The following SPRED2 variants were observed in gnomAD, a reference collection of about 807,000 sequenced individuals.
The protein encoded by SPRED2 is sprouty-related, EVH1 domain-containing protein 2.
Under a neutral mutation model 43.0 loss-of-function variants are expected in SPRED2, and 47 were observed. The observed-to-expected ratio is 1.09, with a 90% CI of 0.87 to 1.40. SPRED2 has a LOEUF of 1.40. Ranked by LOEUF, SPRED2 falls within the 40% of genes most tolerant of loss-of-function variation. The pLI is 0.00. For synonymous variants in SPRED2, 225 were observed against 225.7 expected, an observed-to-expected ratio of 1.00 and a Z score of 0.03; for missense variants, 561 against 586.4, an observed-to-expected ratio of 0.96 and a Z score of 0.45.
chr2:65,344,987 A>G, intron 1 of SPRED2, 91 bp from the exon 2 acceptor site: 1 of 1,298,212 alleles, frequency 7.7e-7, no homozygotes, highest in South Asian at 1.7e-5. Flanking sequence ...ACCAGCCAGC[A>G]CTTTTTTTGT....
chr2:65,384,757 CCATT>C (rs1429192721), intron 1 of SPRED2, among the ~76,000 whole-genome samples: 1 of 152,190 alleles, frequency 6.6e-6, no homozygotes, highest in Non-Finnish European at 1.5e-5. Context: ...TGTCAGGTCC[CCATT>C]CAGAGGCACT....
At chr2:65,428,439 G>A (rs1345685838) in intron 1 of SPRED2, among the ~76,000 whole-genome samples, 1 of 152,204 alleles carries the variant, frequency 6.6e-6, no homozygotes, top group Non-Finnish European at 1.5e-5. Flanking sequence ...AGACATTTTT[G>A]CAGACAATTC....
downstream of SPRED2, among the ~76,000 whole-genome samples, chr2:65,307,193 T>C (rs1056444511): frequency 6.6e-6 from 1 of 152,032 alleles, no homozygotes; most frequent in Non-Finnish European, 1.5e-5. Flanking sequence ...TTATATGACA[T>C]TTTATTTATT....
In SPRED2 at chr2:65,313,226, A is replaced by G; in HGVS notation, c.*275T>C. ...ACAGTTAGCTTGGTTACAGATTGTT[A>G]ATAGTACAGGAGTCTGTGGCGAAGG... On this transcript the variant is annotated 3_prime_UTR_variant, in exon 6 of 6. Transcript: ENST00000356388. 1 of 1,172,106 alleles carries G rather than the reference A, an allele frequency of 8.5e-7. No homozygotes were observed. The highest frequency in any genetic ancestry group is 1.1e-6 in the Non-Finnish European group (1 of 948,384). The allele number at this position is 1,172,106 out of a possible 1,614,324, so 72.6% of individuals were successfully genotyped here.
intron 4 of SPRED2, among the ~76,000 whole-genome samples, chr2:65,327,715 T>C (rs1443806136): frequency 1.5e-4 from 2 of 13,516 alleles, no homozygotes; most frequent in Middle Eastern, 0.5. Context: ...CTTTCTTTCT[T>C]TTTTTTTTTT....
chr2:65,406,279 C>T (rs1676021787), intron 1 of SPRED2, among the ~76,000 whole-genome samples: 1 of 152,162 alleles, frequency 6.6e-6, no homozygotes, highest in South Asian at 2.1e-4. Flanking sequence ...TTTCTTAATA[C>T]TTGACACCCA....
chr2:65,366,368 A>T (rs1674977505), intron 1 of SPRED2, among the ~76,000 whole-genome samples: 1 of 152,208 alleles, frequency 6.6e-6, no homozygotes, highest in African/African-American at 2.4e-5. Context: ...TGTTTTCAGA[A>T]AGAGGCATGA....
At position 65,327,872 on chromosome 2, in the gene SPRED2, C is replaced by CATGT. The variant is rs1673686477; in HGVS notation, c.438+4114_438+4115insACAT. ...CGGAGTAGCTGGGATTACAGGGGCC[C>CATGT]GCCATCATGCCTGGCTAATTTTTGT... On this transcript the variant is annotated intron_variant, in intron 4 of 5. Coordinates refer to ENST00000356388, the MANE Select transcript of SPRED2 (RefSeq NM_181784.3). 2.6e-5 allele frequency among the ~76,000 whole-genome samples: 4 copies of CATGT among 151,702 alleles called. No homozygotes were observed. In the East Asian group the frequency reaches 7.8e-4, roughly 29 times the overall value.
chr2:65,424,829 A>G (rs1487401431), intron 1 of SPRED2, among the ~76,000 whole-genome samples: 1 of 152,048 alleles, frequency 6.6e-6, no homozygotes, highest in Admixed American at 6.6e-5. Context: ...GCGCACACCT[A>G]CAATCCCAGC....
In SPRED2 at chr2:65,312,815, A is replaced by C. The variant is rs925315579; in HGVS notation, c.*686T>G. 4 of 985,904 alleles carry C rather than the reference A, an allele frequency of 4.1e-6. No individual in the cohort carries two copies. The African/African-American group carries it at 7.0e-5, about 17-fold the overall frequency. 61.1% of individuals were successfully genotyped at this position (985,904 alleles called of 1,614,324 possible). On this transcript the variant is annotated 3_prime_UTR_variant, in exon 6 of 6. Transcript: ENST00000356388. ...CTATTACGGGTGAATGTTTTGCATC[A>C]GTGAATCATTTCAACAGATTTTGGG...
intron 1 of SPRED2, among the ~76,000 whole-genome samples, chr2:65,405,166 C>T (rs1007463381): frequency 1.3e-5 from 2 of 152,194 alleles, no homozygotes; most frequent in Admixed American, 6.5e-5. Context: ...TAAGGCTTAG[C>T]GTTTATGTCA....
At position 65,317,650 on chromosome 2, in the gene SPRED2, A is replaced by G. The variant is rs542360528; in HGVS notation, c.439-767T>C. 8.5e-5 allele frequency among the ~76,000 whole-genome samples: 13 copies of G among 152,304 alleles called. No individual in the cohort carries two copies. The East Asian group carries it at 2.1e-3, about 25-fold the overall frequency. On this transcript the variant is annotated intron_variant, in intron 4 of 5. Coordinates refer to ENST00000356388, the MANE Select transcript of SPRED2 (RefSeq NM_181784.3). ...AGCAGGGAAGACGCACACAGGCAAA[A>G]ATGAAACCCACGTGTTTATATGGAG...
intron 1 of SPRED2, among the ~76,000 whole-genome samples, chr2:65,404,892 C>T (rs1404556131): frequency 6.6e-6 from 1 of 152,224 alleles, no homozygotes; most frequent in Non-Finnish European, 1.5e-5. Context: ...CACCCCTGGG[C>T]CCTTTTATGA....
chr2:65,345,259 GT>G (rs66991368), intron 1 of SPRED2, among the ~76,000 whole-genome samples: 8,786 of 110,214 alleles, frequency 0.08, 262 homozygotes, highest in African/African-American at 0.19. Flanking sequence ...TTTAGTTGTT[GT>G]TTTTTTTTTT....
In SPRED2 at chr2:65,363,000, GTTTTGTTTTTTTTT is replaced by G. The variant is rs1238243003; in HGVS notation, c.27-18118_27-18105del. ...CACTTGCTTTCTCTATGGTCATCATGTTTTGTTTTTTTTTTTTTTTTTTTTTTTTGAAAGGTTTG... is the reference window on the plus strand; with the variant it reads ...CACTTGCTTTCTCTATGGTCATCATGTTTTTTTTTTTTTTTGAAAGGTTTG... On this transcript the variant is annotated intron_variant, in intron 1 of 5. Transcript: ENST00000356388. Among the ~76,000 whole-genome samples the G allele has an allele frequency of 1.4e-3, 96 of 66,956 alleles. 1 individual carries two copies. The highest frequency in any genetic ancestry group is 6.3e-3 in the African/African-American group (90 of 14,288). 43.9% of individuals were successfully genotyped at this position (66,956 alleles called of 152,430 possible). A position where few individuals can be genotyped will look rare whatever the true frequency, so the allele number is the denominator to read the frequency against.
At chr2:65,376,257 TTTA>T (rs1675234304) in intron 1 of SPRED2, among the ~76,000 whole-genome samples, 1 of 152,176 alleles carries the variant, frequency 6.6e-6, no homozygotes, top group Non-Finnish European at 1.5e-5. Flanking sequence ...CAACCATGTA[TTTA>T]TTATCTGTTG....
chr2:65,381,406 C>T (rs1265264789), intron 1 of SPRED2, among the ~76,000 whole-genome samples: 1 of 152,170 alleles, frequency 6.6e-6, no homozygotes, highest in Admixed American at 6.5e-5. Flanking sequence ...AGTTGTGTTC[C>T]CTGCCCACCA....
In SPRED2 at chr2:65,379,169, G is replaced by C. The variant is rs574934164; in HGVS notation, c.27-34273C>G. ...CCTACTTTAAAGCCAGATGAGAAGT[G>C]ACTTTTTACCAATATCAGGATTGCA... On this transcript the variant is annotated intron_variant, in intron 1 of 5. Transcript: ENST00000356388. 3.9e-5 allele frequency among the ~76,000 whole-genome samples: 6 copies of C among 152,270 alleles called. 1 individual carries two copies. Among genetic ancestry groups the C allele is most frequent in the African/African-American group, 1.4e-4 (6 of 41,546 alleles).
intron 2 of SPRED2, among the ~76,000 whole-genome samples, chr2:65,342,447 A>ACG (rs1241240083): frequency 2.0e-5 from 3 of 149,062 alleles, no homozygotes; most frequent in African/African-American, 7.3e-5. Flanking sequence ...TATTTTGTAT[A>ACG]TATATTATAT....
Sources: allele counts gnomAD v4.1 joint callset (sites outside exome capture counted in the v4.1 genomes callset), GRCh38; gene constraint gnomAD v4.1.1; transcripts MANE v1.5; gene names NCBI Gene and HGNC (gene_info 2026-07-23, HGNC 2026-07-21).